STK39: variants seen among roughly 807,000 people sequenced by gnomAD.
STK39 encodes STE20/SPS1-related proline-alanine-rich protein kinase.
A neutral mutation model predicts 77.8 loss-of-function variants in STK39; 20 were observed. The ratio of observed to expected loss-of-function variants is 0.26; its 90% CI spans 0.18 to 0.37. The LOEUF is 0.37. Among genes scored for constraint, STK39 ranks in the 10% least tolerant of loss-of-function variants. The probability of loss-of-function intolerance (pLI) is 1.00; values close to 1 mark genes in which losing one functional copy is unlikely to be tolerated. For synonymous variants in STK39, 246 were observed against 234.1 expected (o/e 1.05, Z -0.47); for missense variants, 479 against 656.5 (o/e 0.73, Z 2.95).
rs146467079 is a variant in STK39 at position 168,023,764 on chromosome 2, G to A, written c.1377-6669C>T. On this transcript the variant is annotated intron_variant, in intron 14 of 17. Transcript: ENST00000355999. Reference sequence around the variant, plus strand: ...TCACTGGCATTGTATACCCTCCACCGCAGGGATGCTCTCAAATGAAGATGA... The same window carrying A: ...TCACTGGCATTGTATACCCTCCACCACAGGGATGCTCTCAAATGAAGATGA... Among the ~76,000 whole-genome samples the A allele has an allele frequency of 2.3e-3, 350 of 152,188 alleles. 4 individuals carry two copies. Among genetic ancestry groups the A allele is most frequent in the African/African-American group, 7.8e-3 (326 of 41,530 alleles).
chr2:168,053,634 A>G (rs919495519), intron 14 of STK39, among the ~76,000 whole-genome samples: 1 of 152,178 alleles, frequency 6.6e-6, no homozygotes, highest in Non-Finnish European at 1.5e-5. Context: ...GTTGTCAAGG[A>G]AAAAACAGTA....
chr2:168,083,536 T>C (rs890954890), intron 10 of STK39, among the ~76,000 whole-genome samples: 4 of 152,052 alleles, frequency 2.6e-5, no homozygotes, highest in African/African-American at 9.7e-5. Context: ...AAATTTTTTT[T>C]AAAAGACATA....
rs776007211 is a variant in STK39, at chr2:168,074,987, G to T, written c.1237C>A (p.Pro413Thr). 1.9e-6 allele frequency: 3 copies of T among 1,613,432 alleles called. No individual in the cohort carries two copies. The highest frequency in any genetic ancestry group is 2.5e-6 in the Non-Finnish European group (3 of 1,179,968). Residue 413 changes from proline to threonine, a missense_variant, in exon 12 of 18, where the codon CCA (proline) becomes ACA (threonine). Pro to Thr is a conservative substitution (Grantham distance 38). Coordinates refer to ENST00000355999, the MANE Select transcript of STK39 (RefSeq NM_013233.3). ...EKSRRVKEEN[P>T]EIAVSASTIP... ...AATAAATAGCCACAGCTCACCTCTG[G>T]ATTTTCTTCTTTTACTCTTCGTGAC...
At chr2:168,237,718 T>G (rs562073865) in intron 1 of STK39, among the ~76,000 whole-genome samples, 2 of 152,190 alleles carry the variant, frequency 1.3e-5, no homozygotes, top group Non-Finnish European at 1.5e-5. Context: ...CTTTGGCCAT[T>G]AGAGAGTTTT....
intron 12 of STK39, among the ~76,000 whole-genome samples, chr2:168,073,370 G>T (rs772753169): frequency 6.6e-6 from 1 of 152,178 alleles, no homozygotes; most frequent in East Asian, 1.9e-4. Flanking sequence ...GTGAGTCAAT[G>T]ATGCTACTTT....
chr2:168,124,973 G>T (rs373901971), intron 10 of STK39, among the ~76,000 whole-genome samples: 15 of 152,040 alleles, frequency 9.9e-5, no homozygotes, highest in Admixed American at 2.6e-4. Context: ...GGGTCTGTAG[G>T]GGGGTGGGGG....
Position 168,198,586 on chromosome 2 carries a change from G to A in STK39, c.209-16496C>T, listed in dbSNP as rs113872565. Among the ~76,000 whole-genome samples, 48 of 152,278 alleles carry A rather than the reference G, an allele frequency of 3.2e-4. 3 individuals are homozygous for A. Among genetic ancestry groups the A allele is most frequent in the African/African-American group, 1.1e-3 (46 of 41,564 alleles). On this transcript the variant is annotated intron_variant, in intron 1 of 17. Transcript: ENST00000355999. ...AGATTTCATTTAGGAATTATTTACC[G>A]ATGATACTAGAATGACTCACAAAGC...
intron 5 of STK39, among the ~76,000 whole-genome samples, chr2:168,144,345 C>T (rs1688076271): frequency 6.6e-6 from 1 of 151,946 alleles, no homozygotes; most frequent in Non-Finnish European, 1.5e-5. Flanking sequence ...GCTCTGTCGC[C>T]CAAGGTGGAA....
At chr2:168,121,106 A>G (rs1424289075) in intron 10 of STK39, among the ~76,000 whole-genome samples, 2 of 152,140 alleles carry the variant, frequency 1.3e-5, no homozygotes, top group Non-Finnish European at 2.9e-5. Context: ...TACCTTCTCC[A>G]TCTATATTTC....
intron 8 of STK39, among the ~76,000 whole-genome samples, chr2:168,133,056 G>C (rs1053584475): frequency 1.3e-5 from 2 of 152,130 alleles, no homozygotes; most frequent in Non-Finnish European, 2.9e-5. Context: ...GACAGAGGAA[G>C]TGCCAACGTA....
chr2:168,022,115 T>C (rs557962997), intron 14 of STK39, among the ~76,000 whole-genome samples: 6 of 146,376 alleles, frequency 4.1e-5, no homozygotes, highest in African/African-American at 1.7e-4. Flanking sequence ...TCTTTATAAC[T>C]ACATAGTTTT....
chr2:168,217,414 C>T (rs967677590), intron 1 of STK39, among the ~76,000 whole-genome samples: 2 of 152,162 alleles, frequency 1.3e-5, no homozygotes, highest in Admixed American at 1.3e-4. Flanking sequence ...TATTACCTTC[C>T]TATACCACAG....
In STK39 at chr2:168,063,513, C is replaced by T. The variant is rs764031679; in HGVS notation, c.1363G>A (p.Val455Ile). 3.7e-6 allele frequency: 6 copies of T among 1,612,640 alleles called. No homozygotes were observed. The highest frequency in any genetic ancestry group is 2.2e-5 in the South Asian group (2 of 90,804). Residue 455 changes from valine to isoleucine, a missense_variant, in exon 14 of 18, where the codon GTT (valine) becomes ATT (isoleucine). Val to Ile is a conservative substitution (Grantham distance 29). Coordinates refer to ENST00000355999, the MANE Select transcript of STK39 (RefSeq NM_013233.3). Reference sequence around the variant, plus strand: ...AGTATTATTTACCTTAATCTCAAAACGAGGTTCACGGCACAAGAAGAAGCT... The same window carrying T: ...AGTATTATTTACCTTAATCTCAAAATGAGGTTCACGGCACAAGAAGAAGCT... ...REASSCAVNL[V>I]LRLRNSRKEL...
In STK39 at chr2:168,175,538, CT is replaced by C. The variant is rs766052085; in HGVS notation, c.321+6439del. Reference sequence around the variant, plus strand: ...ATTAGTATCCGAATAAGCTACATAACTTTTAAATTTGATGTTCCAAAAATAA... The same window carrying C: ...ATTAGTATCCGAATAAGCTACATAACTTTAAATTTGATGTTCCAAAAATAA... On this transcript the variant is annotated intron_variant, in intron 2 of 17. Coordinates refer to ENST00000355999, the MANE Select transcript of STK39 (RefSeq NM_013233.3). Among the ~76,000 whole-genome samples, 7 of 152,280 alleles carry C rather than the reference CT, an allele frequency of 4.6e-5. No homozygotes were observed. In the East Asian group the frequency reaches 1.3e-3, roughly 29 times the overall value.
intron 1 of STK39, among the ~76,000 whole-genome samples, chr2:168,238,827 G>C (rs1558891420): frequency 1.3e-5 from 2 of 152,112 alleles, no homozygotes; most frequent in Non-Finnish European, 2.9e-5. Flanking sequence ...TTGGCCAATT[G>C]ATGGCAGATA....
intron 8 of STK39, among the ~76,000 whole-genome samples, chr2:168,133,436 G>T (rs1441102926): frequency 2.0e-5 from 3 of 152,138 alleles, no homozygotes; most frequent in Admixed American, 2.0e-4. Flanking sequence ...TTTACACAGA[G>T]AATAACTAAA....
intron 14 of STK39, among the ~76,000 whole-genome samples, chr2:168,044,618 A>G (rs959872325): frequency 1.3e-5 from 2 of 152,224 alleles, no homozygotes; most frequent in Non-Finnish European, 2.9e-5. Flanking sequence ...AAAAGAGAAG[A>G]AGAAGATTAA....
At chr2:168,059,065 T>A (rs1171322852) in intron 14 of STK39, among the ~76,000 whole-genome samples, 1 of 152,208 alleles carries the variant, frequency 6.6e-6, no homozygotes, top group East Asian at 1.9e-4. Flanking sequence ...CAATTACTTA[T>A]AACATGCTTC....
chr2:168,227,369 T>C (rs1320127423), intron 1 of STK39, among the ~76,000 whole-genome samples: 1 of 152,206 alleles, frequency 6.6e-6, no homozygotes, highest in Non-Finnish European at 1.5e-5. Context: ...TTTTGTCCTT[T>C]TGTTCTAAAT....
Sources: gnomAD v4.1 joint callset for allele counts (sites outside exome capture counted in the v4.1 genomes callset) on GRCh38, gnomAD v4.1.1 for gene constraint, MANE v1.5 for transcripts, NCBI Gene and HGNC (gene_info 2026-07-23, HGNC 2026-07-21) for gene names.